The following THSD7A variants were observed in gnomAD, a reference collection of about 807,000 sequenced individuals.
THSD7A encodes thrombospondin type 1 domain containing 7A.
A neutral mutation model predicts 231.3 loss-of-function variants in THSD7A; 96 were observed. The observed-to-expected ratio is 0.41, with a 90% CI of 0.35 to 0.49. The LOEUF (loss-of-function observed/expected upper bound fraction) is 0.49, where lower values mean the gene tolerates loss of function less well. Ranked by LOEUF, THSD7A falls within the 20% of genes least tolerant of loss-of-function variation. THSD7A has a pLI of 0.05. For synonymous variants in THSD7A, 940 were observed against 743.3 expected (o/e 1.26, Z -4.30); for missense variants, 2,290 against 2,070.2 (o/e 1.11, Z -2.06).
At chr7:11,707,717 C>T (rs1780815877) in intron 1 of THSD7A, among the ~76,000 whole-genome samples, 1 of 150,806 alleles carries the variant, frequency 6.6e-6, no homozygotes, top group Admixed American at 6.6e-5. Flanking sequence ...CTAAAGCCTT[C>T]AGCAGTGTGC....
At chr7:11,787,879 C>A (rs751524526) in intron 1 of THSD7A, among the ~76,000 whole-genome samples, 1 of 151,916 alleles carries the variant, frequency 6.6e-6, no homozygotes, top group Non-Finnish European at 1.5e-5. Context: ...AAGTTAATAC[C>A]CTTAACTCCA....
intron 1 of THSD7A, among the ~76,000 whole-genome samples, chr7:11,721,706 C>T (rs1041113921): frequency 6.6e-6 from 1 of 151,886 alleles, no homozygotes; most frequent in African/African-American, 2.4e-5. Flanking sequence ...TTCATTCATC[C>T]TTGCCTCTCT....
At chr7:11,575,398 T>C (rs991628056) in intron 4 of THSD7A, among the ~76,000 whole-genome samples, 3 of 152,206 alleles carry the variant, frequency 2.0e-5, no homozygotes, top group Admixed American at 6.5e-5. Flanking sequence ...AGATAAACTT[T>C]TTCTTTGCCC....
chr7:11,722,332 T>A (rs4721006), intron 1 of THSD7A, among the ~76,000 whole-genome samples: 3,738 of 151,982 alleles, frequency 0.025, 134 homozygotes, highest in African/African-American at 0.085. Context: ...GCAGTTTGCC[T>A]TTCTATAATC....
At chr7:11,678,195 G>T (rs1457801408) in intron 1 of THSD7A, among the ~76,000 whole-genome samples, 1 of 152,152 alleles carries the variant, frequency 6.6e-6, no homozygotes, top group South Asian at 2.1e-4. Flanking sequence ...AGCTAAAGCG[G>T]TGTCTAGAGG....
At chr7:11,667,638 G>C (rs1052879376) in intron 1 of THSD7A, among the ~76,000 whole-genome samples, 1 of 152,120 alleles carries the variant, frequency 6.6e-6, no homozygotes, top group Non-Finnish European at 1.5e-5. Flanking sequence ...TCTGATGAAG[G>C]AGAGGTTCTT....
chr7:11,681,804 G>C (rs1442948213), intron 1 of THSD7A, among the ~76,000 whole-genome samples: 1 of 151,646 alleles, frequency 6.6e-6, no homozygotes, highest in Non-Finnish European at 1.5e-5. Flanking sequence ...AAGACACATA[G>C]TGAGCAGAAT....
intron 6 of THSD7A, among the ~76,000 whole-genome samples, chr7:11,526,424 G>A (rs1258337260): frequency 6.6e-6 from 1 of 152,068 alleles, no homozygotes; most frequent in Non-Finnish European, 1.5e-5. Flanking sequence ...GTGCCCCTTG[G>A]CACATTGAGC....
intron 1 of THSD7A, among the ~76,000 whole-genome samples, chr7:11,794,368 G>C (rs1784055783): frequency 1.3e-5 from 2 of 151,908 alleles, no homozygotes; most frequent in African/African-American, 4.8e-5. Flanking sequence ...CAACTGAATA[G>C]CATCCTCTTG....
intron 2 of THSD7A, among the ~76,000 whole-genome samples, chr7:11,628,438 G>T (rs753288346): frequency 6.6e-6 from 1 of 152,064 alleles, no homozygotes; most frequent in Non-Finnish European, 1.5e-5. Flanking sequence ...CCTAGACCTG[G>T]TGCATGCCTT....
chr7:11,626,403 T>G (rs531644923), intron 2 of THSD7A, among the ~76,000 whole-genome samples: 48 of 152,142 alleles, frequency 3.2e-4, no homozygotes, highest in Non-Finnish European at 4.6e-4. Flanking sequence ...GCCTTTAATA[T>G]GTACAACTTT....
At chr7:11,459,897 T>C (rs1031016617) in intron 11 of THSD7A, among the ~76,000 whole-genome samples, 2 of 152,072 alleles carry the variant, frequency 1.3e-5, no homozygotes, top group African/African-American at 4.8e-5. Context: ...TATTCAATTA[T>C]GTATTATGCT....
At chr7:11,543,204 G>A in intron 4 of THSD7A, 87 bp from the exon 5 acceptor site, 2 of 1,238,752 alleles carry the variant, frequency 1.6e-6, no homozygotes, top group Non-Finnish European at 2.3e-6. Context: ...GTATGGAAAA[G>A]GAAAATCCTT....
At chr7:11,699,480 T>G (rs1780510796) in intron 1 of THSD7A, among the ~76,000 whole-genome samples, 1 of 151,282 alleles carries the variant, frequency 6.6e-6, no homozygotes, top group South Asian at 2.1e-4. Flanking sequence ...CTTATCAGTT[T>G]GTTTGGGGTT....
intron 1 of THSD7A, among the ~76,000 whole-genome samples, chr7:11,722,669 T>C (rs2128153694): frequency 6.6e-6 from 1 of 151,972 alleles, no homozygotes; most frequent in East Asian, 2.0e-4. Context: ...GGGCGAAGGA[T>C]ATGAACAGAA....
At chr7:11,705,399 G>A (rs1368659757) in intron 1 of THSD7A, among the ~76,000 whole-genome samples, 1 of 150,920 alleles carries the variant, frequency 6.6e-6, no homozygotes, top group Non-Finnish European at 1.5e-5. Context: ...AAATAAGCAA[G>A]GCCTAGTTGC....
rs1440112993 is a variant in THSD7A, at chr7:11,636,122, A to G, written c.1022+8T>C. On this transcript the variant is annotated splice_region_variant and intron_variant, in intron 2 of 27. Coordinates refer to ENST00000423059, the MANE Select transcript of THSD7A (RefSeq NM_015204.3). The surrounding 1 kb of genome is among the most constrained non-coding windows in gnomAD (Gnocchi z 10.0). ...AGCCTGTGTAGTTAACAGTAATTAAAATGTTACCTTAAATCAGCAGCTTTC... is the reference window on the plus strand; with the variant it reads ...AGCCTGTGTAGTTAACAGTAATTAAGATGTTACCTTAAATCAGCAGCTTTC... The G allele has an allele frequency of 1.2e-6, 2 of 1,603,476 alleles. No individual in the cohort carries two copies. Among genetic ancestry groups the G allele is most frequent in the East Asian group, 2.2e-5 (1 of 44,784 alleles).
chr7:11,688,997 A>G (rs1049728464), intron 1 of THSD7A, among the ~76,000 whole-genome samples: 2 of 151,844 alleles, frequency 1.3e-5, no homozygotes, highest in Non-Finnish European at 1.5e-5. Context: ...TCTCTTCCCT[A>G]TTTGTTTTCT....
At chr7:11,428,920 C>A in intron 14 of THSD7A, 27 bp downstream of exon 14, 1 of 1,590,060 alleles carries the variant, frequency 6.3e-7, no homozygotes, top group Non-Finnish European at 8.5e-7. Context: ...TCAACAATAT[C>A]TTAACACTGT....
Sources: allele counts gnomAD v4.1 joint callset (sites outside exome capture counted in the v4.1 genomes callset), GRCh38; gene constraint gnomAD v4.1.1; non-coding constraint Gnocchi (gnomAD v3.1); transcripts MANE v1.5; gene names NCBI Gene and HGNC (gene_info 2026-07-23, HGNC 2026-07-21).